SLC6A14: variants seen among roughly 807,000 people sequenced by gnomAD.
The protein encoded by SLC6A14 is sodium- and chloride-dependent neutral and basic amino acid transporter B(0+).
SLC6A14 carries 21 observed loss-of-function variants against 51.4 expected under a neutral mutation model. The observed-to-expected ratio is 0.41, with a 90% CI of 0.29 to 0.59. SLC6A14 has a LOEUF of 0.59. SLC6A14 is among the 20% of genes least tolerant of loss of function. The probability of loss-of-function intolerance (pLI) is 0.31; values close to 1 mark genes in which losing one functional copy is unlikely to be tolerated. For missense variants in SLC6A14, 371 were observed against 472.8 expected (o/e 0.78, Z 2.00); for synonymous variants, 177 against 160.7 (o/e 1.10, Z -0.77).
Position 116,449,434 on chromosome X carries a change from G to T in SLC6A14, c.931-2008G>T, listed in dbSNP as rs376367500. Among the ~76,000 whole-genome samples, 13 of 111,534 alleles carry T rather than the reference G, an allele frequency of 1.2e-4. 1 individual carries two copies. The highest frequency in any genetic ancestry group is 3.9e-4 in the African/African-American group (12 of 30,685). On this transcript the variant is annotated intron_variant, in intron 7 of 13. Coordinates refer to ENST00000598581, the MANE Select transcript of SLC6A14 (RefSeq NM_007231.5). ...ACATGTAATGTATCAAGTAAAAGAA[G>T]CTCAGAGACCAACATGAGCATGCTG...
chrX:116,438,369 T>C (rs1012486817), intron 2 of SLC6A14, among the ~76,000 whole-genome samples: 4 of 112,192 alleles, frequency 3.6e-5, no homozygotes, highest in Non-Finnish European at 7.5e-5. Flanking sequence ...GAAGCTCAAA[T>C]AAATTATTTG....
At chrX:116,444,852 C>T in intron 5 of SLC6A14, 66 bp from the exon 6 acceptor site, 1 of 1,114,087 alleles carries the variant, frequency 9.0e-7, no homozygotes, top group Non-Finnish European at 1.2e-6. Context: ...AATGGTATTA[C>T]AAAACTCAAT....
chrX:116,458,893 G>T lies in SLC6A14; in HGVS notation c.1867G>T (p.Asp623Tyr). The T allele has an allele frequency of 8.3e-7, 1 of 1,203,184 alleles. No homozygotes were observed. The highest frequency in any genetic ancestry group is 1.1e-6 in the Non-Finnish European group (1 of 890,489). Residue 623 changes from aspartate to tyrosine, a missense_variant, in exon 14 of 14, where the codon GAT becomes TAT. Coordinates refer to ENST00000598581, the MANE Select transcript of SLC6A14 (RefSeq NM_007231.5). The stretch of plus-strand genomic sequence containing the variant: ...TGGGGAAAGATATAAAGACATGGTA[G>T]ATCCTAAAAAAGAGGCTGACCATGA... ...HRGERYKDMV[D>Y]PKKEADHEIP...
intron 3 of SLC6A14, 115 bp downstream of exon 3, chrX:116,441,212 A>G: frequency 1.3e-6 from 1 of 797,011 alleles, no homozygotes; most frequent in East Asian, 3.2e-5. Flanking sequence ...TAAAATTCTG[A>G]CAATTTAAAG....
In SLC6A14 at chrX:116,451,597, A is replaced by C; in HGVS notation, c.1086A>C (p.Gly362=). Reference sequence around the variant, plus strand: ...ACTGTCTCACTAGCGTGTTTGCTGGATTTGCTATTTTTTCTATATTGGGAC... The same window carrying C: ...ACTGTCTCACTAGCGTGTTTGCTGGCTTTGCTATTTTTTCTATATTGGGAC... ...LTNCLTSVFA[G]FAIFSILGHM... Residue 362 remains glycine (G), a synonymous_variant, in exon 8 of 14, where the codon GGA becomes GGC. Coordinates refer to ENST00000598581, the MANE Select transcript of SLC6A14 (RefSeq NM_007231.5). The C allele has an allele frequency of 8.3e-7, 1 of 1,209,869 alleles. No homozygotes were observed. The highest frequency in any genetic ancestry group is 1.1e-6 in the Non-Finnish European group (1 of 894,694).
At chrX:116,442,962 G>A in intron 4 of SLC6A14, 114 bp downstream of exon 4, 1 of 476,686 alleles carries the variant, frequency 2.1e-6, no homozygotes, top group Non-Finnish European at 3.4e-6. Flanking sequence ...AAAGGTCACT[G>A]GTGAAAGCAG....
In SLC6A14 at chrX:116,440,974, T is replaced by C. The variant is rs1556693627; in HGVS notation, c.223T>C (p.Leu75=). 1 of 1,210,638 alleles carries C rather than the reference T, an allele frequency of 8.3e-7. No homozygotes were observed. The highest frequency in any genetic ancestry group is 2.2e-5 in the Admixed American group (1 of 45,939). Residue 75 remains leucine, a synonymous_variant, in exon 3 of 14, where the codon TTG becomes CTG. Coordinates refer to ENST00000598581, the MANE Select transcript of SLC6A14 (RefSeq NM_007231.5). ...TTTCTCACCTTTTTTAGGCGCCTTC[T>C]TGATACCTTATGCAATTATGTTAGC... is the stretch of plus-strand genomic sequence containing the variant. ...LTYSNGGGAF[L]IPYAIMLALA... is the part of the protein sequence containing the mutation.
chrX:116,456,740 A>C (rs1927942255), intron 12 of SLC6A14, among the ~76,000 whole-genome samples: 1 of 111,475 alleles, frequency 9.0e-6, no homozygotes, highest in South Asian at 3.7e-4. Context: ...AAATTAATGG[A>C]GCTAAGCCAT....
chrX:116,457,181 C>T (rs1316853098), intron 12 of SLC6A14, among the ~76,000 whole-genome samples: 1 of 111,427 alleles, frequency 9.0e-6, no homozygotes, highest in Non-Finnish European at 1.9e-5. Context: ...AGGTGTACTT[C>T]ACATTCTCAT....
In SLC6A14 at chrX:116,454,455, A is replaced by AT. The variant is rs782443866; in HGVS notation, c.1404+21dup. 447 of 962,798 alleles carry AT rather than the reference A, an allele frequency of 4.6e-4. 2 individuals are homozygous for AT. In the African/African-American group the frequency reaches 5.6e-3, roughly 12 times the overall value. 79.3% of individuals were successfully genotyped at this position (962,798 alleles called of 1,213,427 possible). A position where few individuals can be genotyped will look rare whatever the true frequency, so the allele number is the denominator to read the frequency against. On this transcript the variant is annotated intron_variant, in intron 10 of 13. Transcript: ENST00000598581. ...CTGTGTGACTCAGGTATACTACAGC[A>AT]TTTTTTTTCATAGAAACATATTAGT...
chrX:116,443,310 T>C (rs1356997628), intron 4 of SLC6A14, among the ~76,000 whole-genome samples: 1 of 111,858 alleles, frequency 8.9e-6, no homozygotes, highest in African/African-American at 3.2e-5. Flanking sequence ...TTAATTTGTC[T>C]ATATACATAG....
intron 6 of SLC6A14, 60 bp from the exon 7 acceptor site, chrX:116,446,681 A>G (rs1927720169): frequency 1.1e-6 from 1 of 906,481 alleles, no homozygotes; most frequent in East Asian, 3.1e-5. Context: ...TTACTTGTAT[A>G]CAGTTATACA....
chrX:116,444,806 A>G (rs1927672285), intron 5 of SLC6A14, 112 bp from the exon 6 acceptor site: 6 of 760,939 alleles, frequency 7.9e-6, no homozygotes, highest in Admixed American at 2.6e-5. Flanking sequence ...TGATATATTA[A>G]TAAGATACAA....
intron 3 of SLC6A14, among the ~76,000 whole-genome samples, chrX:116,442,245 A>C (rs887753826): frequency 5.4e-5 from 6 of 111,771 alleles, no homozygotes; most frequent in African/African-American, 1.6e-4. Flanking sequence ...CCAGAAAGAA[A>C]AAGGAAAAAA....
intron 2 of SLC6A14, among the ~76,000 whole-genome samples, chrX:116,439,071 A>G (rs1569539561): frequency 9.0e-6 from 1 of 111,192 alleles, no homozygotes; most frequent in Admixed American, 9.7e-5. Context: ...CCAGTGTGGT[A>G]AAGAGAAGCA....
chrX:116,459,053 A>T lies in SLC6A14; in HGVS notation c.*98A>T, dbSNP rs1401650425. 1 of 707,499 alleles carries T rather than the reference A, an allele frequency of 1.4e-6. No individual in the cohort carries two copies. Among genetic ancestry groups the T allele is most frequent in the African/African-American group, 2.2e-5 (1 of 46,134 alleles). 58.3% of individuals were successfully genotyped at this position (707,499 alleles called of 1,213,427 possible). ...GTGTTAACTGAATAGGAAAATGTAC[A>T]TACTATGTTCATGATAGTGTGATTT... On this transcript the variant is annotated 3_prime_UTR_variant, in exon 14 of 14. Coordinates refer to ENST00000598581, the MANE Select transcript of SLC6A14 (RefSeq NM_007231.5).
At chrX:116,455,162 A>G in intron 11 of SLC6A14, 86 bp downstream of exon 11, 2 of 661,864 alleles carry the variant, frequency 3.0e-6, no homozygotes, top group East Asian at 3.6e-5. Context: ...TAATTATACT[A>G]TTAATTTTTA....
Position 116,458,148 on chromosome X carries a change from A to C in SLC6A14, c.1782+372A>C, listed in dbSNP as rs575490816. ...ACCTGTTTGCTTTATATCCATAGTC[A>C]CTGCTTTTAAACCTCATCTGGCTAT... On this transcript the variant is annotated intron_variant, in intron 13 of 13. Transcript: ENST00000598581. Among the ~76,000 whole-genome samples the C allele has an allele frequency of 2.2e-4, 25 of 111,403 alleles. No individual in the cohort carries two copies. The South Asian group carries it at 6.8e-3, about 30-fold the overall frequency.
At position 116,437,974 on chromosome X, in the gene SLC6A14, A is replaced by AC; in HGVS notation, c.214+22dup. ...GGTGGAGGTATTCTATTTCACCCCC[A>AC]CCCTCCCACCCCCGCTTTTCCCTCC... On this transcript the variant is annotated intron_variant, in intron 2 of 13. Coordinates refer to ENST00000598581, the MANE Select transcript of SLC6A14 (RefSeq NM_007231.5). The AC allele has an allele frequency of 2.0e-6, 1 of 498,979 alleles. No homozygotes were observed. Among genetic ancestry groups the AC allele is most frequent in the Non-Finnish European group, 2.7e-6 (1 of 367,070 alleles). The allele number at this position is 498,979 out of a possible 1,213,427, so 41.1% of individuals were successfully genotyped here.
Sources: allele counts gnomAD v4.1 joint callset (sites outside exome capture counted in the v4.1 genomes callset), GRCh38; gene constraint gnomAD v4.1.1; transcripts MANE v1.5; gene names NCBI Gene and HGNC (gene_info 2026-07-23, HGNC 2026-07-21).